CPD: variants seen among roughly 807,000 people sequenced by gnomAD.
CPD encodes metallocarboxypeptidase D.
CPD carries 69 observed loss-of-function variants against 138.3 expected under a neutral mutation model. That is an observed-to-expected ratio of 0.50 (90% CI 0.41 to 0.61). The LOEUF (loss-of-function observed/expected upper bound fraction) is 0.61. CPD is among the 20% of genes least tolerant of loss of function. The pLI, the probability that CPD is intolerant of heterozygous loss-of-function variation, is 0.00. For synonymous variants in CPD, 651 were observed against 642.1 expected, an observed-to-expected ratio of 1.01 and a Z score of -0.21; for missense variants, 1,432 against 1,733.3, an observed-to-expected ratio of 0.83 and a Z score of 3.09.
intron 2 of CPD, among the ~76,000 whole-genome samples, chr17:30,405,431 C>T (rs1162730700): frequency 1.3e-5 from 2 of 152,052 alleles, no homozygotes; most frequent in Admixed American, 1.3e-4. Flanking sequence ...TAATTTTTTT[C>T]TTTTGGCATA....
intron 2 of CPD, among the ~76,000 whole-genome samples, chr17:30,401,244 GCTT>G (rs1382891267): frequency 2.5e-5 from 3 of 121,040 alleles, no homozygotes; most frequent in African/African-American, 8.3e-5. Context: ...TTCTGCTGCT[GCTT>G]CTTCTCCTTC....
chr17:30,385,274 G>T (rs755244454), intron 2 of CPD, 38 bp downstream of exon 2: 1 of 1,606,932 alleles, frequency 6.2e-7, no homozygotes. Context: ...TTTCCCCCTT[G>T]TTCGTTGAAT....
intron 8 of CPD, among the ~76,000 whole-genome samples, chr17:30,432,679 G>T (rs1912594659): frequency 6.6e-6 from 1 of 152,104 alleles, no homozygotes; most frequent in Admixed American, 6.6e-5. Context: ...GGGCAAGGCA[G>T]GAGAATTGCT....
At chr17:30,398,250 A>G (rs1051563682) in intron 2 of CPD, among the ~76,000 whole-genome samples, 2 of 152,072 alleles carry the variant, frequency 1.3e-5, no homozygotes, top group Non-Finnish European at 2.9e-5. Flanking sequence ...GAATAGAATA[A>G]TAGAATAGAA....
chr17:30,422,170 A>C (rs969983313), intron 4 of CPD, among the ~76,000 whole-genome samples: 2 of 152,194 alleles, frequency 1.3e-5, no homozygotes, highest in Non-Finnish European at 2.9e-5. Flanking sequence ...ATTTTGAAGA[A>C]CTGTCTTATC....
chr17:30,442,518 T>G, intron 10 of CPD, 68 bp downstream of exon 10: 1 of 1,504,090 alleles, frequency 6.6e-7, no homozygotes, highest in South Asian at 1.2e-5. Context: ...GTACACGTGG[T>G]TTTTGTGCAG....
intron 4 of CPD, among the ~76,000 whole-genome samples, chr17:30,422,411 C>T (rs1912288976): frequency 6.6e-6 from 1 of 152,124 alleles, no homozygotes; most frequent in South Asian, 2.1e-4. Context: ...TCAACATGTT[C>T]TTTCCTTTGA....
chr17:30,393,158 G>GT (rs973516152), intron 2 of CPD, among the ~76,000 whole-genome samples: 10 of 152,210 alleles, frequency 6.6e-5, no homozygotes, highest in Non-Finnish European at 1.3e-4. Context: ...AACCAATTCA[G>GT]TTTTTTGTGT....
At chr17:30,453,596 A>G (rs1913220036) in intron 14 of CPD, among the ~76,000 whole-genome samples, 1 of 152,108 alleles carries the variant, frequency 6.6e-6, no homozygotes, top group South Asian at 2.1e-4. Flanking sequence ...TGGATCTACC[A>G]TTCTGGAGTC....
chr17:30,431,209 A>G (rs1463255092), intron 7 of CPD, among the ~76,000 whole-genome samples: 1 of 152,356 alleles, frequency 6.6e-6, no homozygotes, highest in South Asian at 2.1e-4. Context: ...CATTTCCACA[A>G]TAACTAATGA....
chr17:30,421,875 G>A (rs753034420), intron 4 of CPD, 42 bp downstream of exon 4: 2 of 1,467,860 alleles, frequency 1.4e-6, no homozygotes, highest in Non-Finnish European at 1.9e-6. Flanking sequence ...AAAATGTCAA[G>A]TCTCTGTTTT....
At chr17:30,423,085 C>T (rs1912310943) in intron 5 of CPD, 62 bp downstream of exon 5, 1 of 1,262,476 alleles carries the variant, frequency 7.9e-7, no homozygotes, top group African/African-American at 1.5e-5. Flanking sequence ...TTCAATATTG[C>T]TATGTTTCAT....
intron 2 of CPD, among the ~76,000 whole-genome samples, chr17:30,388,940 G>T (rs372651180): frequency 6.6e-6 from 1 of 152,142 alleles, no homozygotes; most frequent in Non-Finnish European, 1.5e-5. Flanking sequence ...GCCTCCTCCC[G>T]AGCCCAGGAA....
In CPD at chr17:30,385,397, A is replaced by G. The variant is rs1036370148; in HGVS notation, c.994+161A>G. ...ATCTACAGCAAAATTGAAGGACTAC[A>G]TGAAGACCTATCTGTCCTTCATTTA... On this transcript the variant is annotated intron_variant, in intron 2 of 20. Transcript: ENST00000225719. 49 of 764,828 alleles carry G rather than the reference A, an allele frequency of 6.4e-5. 1 individual carries two copies. In the African/African-American group the frequency reaches 7.2e-4, roughly 11 times the overall value. 47.4% of individuals were successfully genotyped at this position (764,828 alleles called of 1,614,324 possible).
At chr17:30,435,033 C>G (rs1912663254) in intron 8 of CPD, among the ~76,000 whole-genome samples, 1 of 151,894 alleles carries the variant, frequency 6.6e-6, no homozygotes, top group Non-Finnish European at 1.5e-5. Flanking sequence ...AGTTGGCATT[C>G]TAAACAGATT....
chr17:30,456,109 C>G (rs929475107), intron 15 of CPD, 147 bp from the exon 16 acceptor site: 1 of 617,354 alleles, frequency 1.6e-6, no homozygotes, highest in South Asian at 2.1e-5. Context: ...TAAATAAAAC[C>G]TTTTAGGGTT....
chr17:30,429,692 G>A (rs887966898), intron 7 of CPD, among the ~76,000 whole-genome samples: 1 of 152,194 alleles, frequency 6.6e-6, no homozygotes, highest in Non-Finnish European at 1.5e-5. Context: ...CAGTGTTAAG[G>A]ACTTAGTGCT....
At chr17:30,414,160 GTC>G (rs2143392885) in intron 2 of CPD, among the ~76,000 whole-genome samples, 1 of 152,318 alleles carries the variant, frequency 6.6e-6, no homozygotes, top group African/African-American at 2.4e-5. Context: ...AATACGGGGA[GTC>G]TCTGAACTGT....
Position 30,455,331 on chromosome 17 carries a change from T to A in CPD, c.3206-8T>A. On this transcript the variant is annotated splice_polypyrimidine_tract_variant and splice_region_variant and intron_variant, in intron 14 of 20. Transcript: ENST00000225719. ...TGATATTTTATATTTGACTTTTCTC[T>A]TTTTTAGATAATGCCTCCCAACCTG... 6.3e-7 allele frequency: 1 copy of A among 1,590,248 alleles called. No homozygotes were observed. The highest frequency in any genetic ancestry group is 8.5e-7 in the Non-Finnish European group (1 of 1,171,562).
Sources: allele counts gnomAD v4.1 joint callset (sites outside exome capture counted in the v4.1 genomes callset), GRCh38; gene constraint gnomAD v4.1.1; transcripts MANE v1.5; gene names NCBI Gene and HGNC (gene_info 2026-07-23, HGNC 2026-07-21).